Variants in DPYSL2 observed in about 807,000 individuals in gnomAD.
The protein encoded by DPYSL2 is dihydropyrimidinase like 2.
In DPYSL2, 13 loss-of-function variants were observed where a neutral mutation model predicts 69.9. That is an observed-to-expected ratio of 0.19 (90% CI 0.12 to 0.30). The LOEUF (loss-of-function observed/expected upper bound fraction) is 0.30, where lower values mean the gene tolerates loss of function less well. DPYSL2 is among the 10% of genes least tolerant of loss of function. The pLI, the probability that DPYSL2 is intolerant of heterozygous loss-of-function variation, is 1.00. For missense variants in DPYSL2, 587 were observed against 918.9 expected, an observed-to-expected ratio of 0.64 and a Z score of 4.67; for synonymous variants, 326 against 359.1, an observed-to-expected ratio of 0.91 and a Z score of 1.04.
chr8:26,518,766 CAT>C (rs1808336275), intron 1 of DPYSL2, among the ~76,000 whole-genome samples: 3 of 152,192 alleles, frequency 2.0e-5, no homozygotes, highest in Non-Finnish European at 4.4e-5. Flanking sequence ...TGTGTTGTAA[CAT>C]GTGACAGAAT....
chr8:26,515,004 A>C (rs1001064340), intron 1 of DPYSL2, among the ~76,000 whole-genome samples: 1 of 152,150 alleles, frequency 6.6e-6, no homozygotes, highest in Admixed American at 6.5e-5. Flanking sequence ...CATTCTTCTG[A>C]AACCCTCCCG....
In DPYSL2 at chr8:26,653,291, T is replaced by C. The variant is rs1803316909; in HGVS notation, c.1836T>C (p.Ser612=). Residue 612 remains serine, a synonymous_variant, in exon 13 of 14, where the codon TCT becomes TCC. Transcript: ENST00000521913. The surrounding 1 kb of genome is among the most constrained non-coding windows in gnomAD (Gnocchi z 5.7). ...ATGACGGACCTGTGTGTGAAGTGTC[T>C]GTGACGCCCAAGACAGTCACTCCAG... ...GLYDGPVCEV[S]VTPKTVTPAS... is the part of the protein sequence containing the mutation. 6.2e-7 allele frequency: 1 copy of C among 1,614,056 alleles called. No homozygotes were observed. Among genetic ancestry groups the C allele is most frequent in the African/African-American group, 1.3e-5 (1 of 74,914 alleles).
intron 1 of DPYSL2, among the ~76,000 whole-genome samples, chr8:26,527,336 A>G (rs866983732): frequency 6.6e-6 from 1 of 152,216 alleles, no homozygotes; most frequent in South Asian, 2.1e-4. Flanking sequence ...TTCATTGAAG[A>G]TGCTAAATAA....
intron 1 of DPYSL2, among the ~76,000 whole-genome samples, chr8:26,558,360 T>G (rs1801022414): frequency 6.6e-6 from 1 of 152,180 alleles, no homozygotes; most frequent in African/African-American, 2.4e-5. Context: ...CATAATGTGA[T>G]TCCAACTCTA....
At position 26,530,543 on chromosome 8, in the gene DPYSL2, C is replaced by T. The variant is rs182684850; in HGVS notation, c.354+15864C>T. ...ATGTGCAGACATTCTACAAATTCCT[C>T]AATTTCCAATAGGACTCTGGACTGT... On this transcript the variant is annotated intron_variant, in intron 1 of 13. Transcript: ENST00000521913. 3.9e-5 allele frequency among the ~76,000 whole-genome samples: 6 copies of T among 152,330 alleles called. No individual in the cohort carries two copies. The East Asian group carries it at 5.8e-4, about 15-fold the overall frequency.
chr8:26,613,541 G>T (rs1394618721), intron 3 of DPYSL2, among the ~76,000 whole-genome samples: 1 of 152,234 alleles, frequency 6.6e-6, no homozygotes, highest in Non-Finnish European at 1.5e-5. Flanking sequence ...ATACCATGGG[G>T]TTTTTCCTGA....
At position 26,514,321 on chromosome 8, in the gene DPYSL2, G is replaced by A. The variant is rs1055550101; in HGVS notation, c.-5G>A. Reference sequence around the variant, plus strand: ...CGGCGAGGACCCTACCCGAGCCCCCGAGCCATGGCCGAGAGAAAGCAATCC... The same window carrying A: ...CGGCGAGGACCCTACCCGAGCCCCCAAGCCATGGCCGAGAGAAAGCAATCC... On this transcript the variant is annotated 5_prime_UTR_variant, in exon 1 of 14. Coordinates refer to ENST00000521913, the MANE Select transcript of DPYSL2 (RefSeq NM_001197293.3). The surrounding 1 kb of genome is among the most constrained non-coding windows in gnomAD (Gnocchi z 8.4). The A allele has an allele frequency of 1.5e-5, 21 of 1,447,750 alleles. No individual in the cohort carries two copies. The highest frequency in any genetic ancestry group is 1.8e-5 in the Non-Finnish European group (20 of 1,102,260). The allele number at this position is 1,447,750 out of a possible 1,614,324, so 89.7% of individuals were successfully genotyped here. A position where few individuals can be genotyped will look rare whatever the true frequency, so the allele number is the denominator to read the frequency against.
intron 1 of DPYSL2, among the ~76,000 whole-genome samples, chr8:26,534,165 A>G (rs1800555853): frequency 6.6e-6 from 1 of 152,164 alleles, no homozygotes; most frequent in African/African-American, 2.4e-5. Flanking sequence ...AGCCATTTAT[A>G]TGGACTATTT....
chr8:26,533,597 C>T lies in DPYSL2; in HGVS notation c.354+18918C>T, dbSNP rs1309981422. ...ATTTTGCCTGTGGATGTCCAGTTGT[C>T]CCAGCTCCATTTATTGATTAGCAAA... On this transcript the variant is annotated intron_variant, in intron 1 of 13. Coordinates refer to ENST00000521913, the MANE Select transcript of DPYSL2 (RefSeq NM_001197293.3). This position sits in a 1 kb window ranked among gnomAD's most constrained non-coding sequence, Gnocchi z 4.8. Among the ~76,000 whole-genome samples the T allele has an allele frequency of 6.6e-6, 1 of 152,162 alleles. No homozygotes were observed. Among genetic ancestry groups the T allele is most frequent in the Non-Finnish European group, 1.5e-5 (1 of 68,032 alleles).
At chr8:26,584,613 C>CTTTTTTTTT (rs35587383) in intron 3 of DPYSL2, among the ~76,000 whole-genome samples, 4 of 100,134 alleles carry the variant, frequency 4.0e-5, no homozygotes, top group African/African-American at 8.1e-5. Flanking sequence ...GGGCTTTGTG[C>CTTTTTTTTT]TTTTTTTTTT....
chr8:26,651,813 A>G (rs1803285416), intron 11 of DPYSL2, among the ~76,000 whole-genome samples: 1 of 152,158 alleles, frequency 6.6e-6, no homozygotes, highest in Non-Finnish European at 1.5e-5. Flanking sequence ...CCACACCGCA[A>G]ACAGACTAGA....
intron 8 of DPYSL2, among the ~76,000 whole-genome samples, chr8:26,638,783 C>G (rs190451383): frequency 6.6e-6 from 1 of 152,348 alleles, no homozygotes; most frequent in East Asian, 1.9e-4. Flanking sequence ...AAATCTTGCC[C>G]TGGTTCATGT....
chr8:26,583,682 C>T (rs1338210854), intron 2 of DPYSL2, 117 bp from the exon 3 acceptor site: 2 of 927,186 alleles, frequency 2.2e-6, no homozygotes, highest in African/African-American at 1.7e-5. Context: ...TAACAATGAT[C>T]TGAAAAGCCC....
chr8:26,537,514 A>G (rs1223241235), intron 1 of DPYSL2, among the ~76,000 whole-genome samples: 2 of 152,072 alleles, frequency 1.3e-5, no homozygotes, highest in East Asian at 3.8e-4. Context: ...AATATAAAGA[A>G]AAGTTACAAA....
chr8:26,570,745 A>AG (rs1801224528), intron 1 of DPYSL2, among the ~76,000 whole-genome samples: 1 of 77,662 alleles, frequency 1.3e-5, no homozygotes, highest in Non-Finnish European at 2.3e-5. Context: ...GAAAAGGAAA[A>AG]AAAAAAAAAA....
intron 1 of DPYSL2, among the ~76,000 whole-genome samples, chr8:26,574,756 T>C (rs527553859): frequency 2.4e-4 from 37 of 152,334 alleles, no homozygotes; most frequent in African/African-American, 7.9e-4. Flanking sequence ...CATTTATTTA[T>C]TTATTTAGAC....
Position 26,655,617 on chromosome 8 carries a change from G to T in DPYSL2, c.1945G>T (p.Ala649Ser). ...LHQSGFSLSG[A>S]QIDDNIPRRT... ...CCTCTCTTCTCCTCTCCCTCCAGGT[G>T]CTCAGATTGATGACAACATTCCCCG... is the stretch of plus-strand genomic sequence containing the variant. Residue 649 changes from alanine (A) to serine (S), a missense_variant and splice_region_variant, in exon 14 of 14, where the codon GCT becomes TCT. By Grantham distance (99) the Ala-to-Ser change is moderately conservative. This residue lies in a region of DPYSL2 where 452 missense variants were observed against 754.3 expected (regional missense o/e 0.60). Transcript: ENST00000521913. 6.2e-7 allele frequency: 1 copy of T among 1,607,168 alleles called. No homozygotes were observed.
In DPYSL2 at chr8:26,656,671, A is replaced by G. The variant is rs1416607925; in HGVS notation, c.*965A>G. The G allele has an allele frequency of 6.5e-6, 1 of 152,688 alleles. No homozygotes were observed. Among genetic ancestry groups the G allele is most frequent in the Non-Finnish European group, 1.5e-5 (1 of 68,080 alleles). The allele number at this position is 152,688 out of a possible 1,614,324, so 9.5% of individuals were successfully genotyped here. On this transcript the variant is annotated 3_prime_UTR_variant, in exon 14 of 14. Coordinates refer to ENST00000521913, the MANE Select transcript of DPYSL2 (RefSeq NM_001197293.3). ...GATTTGAGCGTTTGCCATTGCAAGC[A>G]TAGTGCTGTGTCATCCTGGTCCATG...
chr8:26,521,576 C>A (rs1808385383), intron 1 of DPYSL2, among the ~76,000 whole-genome samples: 1 of 151,970 alleles, frequency 6.6e-6, no homozygotes, highest in African/African-American at 2.4e-5. Flanking sequence ...ACTGCATTCA[C>A]AGTGTTGTGT....
Sources: allele counts gnomAD v4.1 joint callset (sites outside exome capture counted in the v4.1 genomes callset), GRCh38; gene constraint gnomAD v4.1.1; regional missense constraint gnomAD v4.1.1; non-coding constraint Gnocchi (gnomAD v3.1); transcripts MANE v1.5; gene names NCBI Gene and HGNC (gene_info 2026-07-23, HGNC 2026-07-21).